The following LPIN2 variants were observed in gnomAD, a reference collection of about 807,000 sequenced individuals.
LPIN2 encodes the protein phosphatidate phosphatase LPIN2.
Under a neutral mutation model 111.4 loss-of-function variants are expected in LPIN2, and 55 were observed. The ratio of observed to expected loss-of-function variants is 0.49; its 90% CI spans 0.40 to 0.62. LPIN2 has a LOEUF of 0.62. LPIN2 is among the 20% of genes least tolerant of loss of function. The probability of loss-of-function intolerance (pLI) is 0.00; values close to 1 mark genes in which losing one functional copy is unlikely to be tolerated. For synonymous variants in LPIN2, 425 were observed against 414.0 expected (o/e 1.03, Z -0.32); for missense variants, 992 against 1,112.1 (o/e 0.89, Z 1.54).
At chr18:2,960,216 GTGTTC>G (rs1278233230) in intron 2 of LPIN2, among the ~76,000 whole-genome samples, 5 of 147,112 alleles carry the variant, frequency 3.4e-5, no homozygotes, top group Admixed American at 6.8e-5. Flanking sequence ...GTGTGTGTGT[GTGTTC>G]TTGATTATAC....
At chr18:2,920,971 G>C (rs886724611) in intron 18 of LPIN2, 90 bp from the exon 19 acceptor site, 108 of 857,270 alleles carry the variant, frequency 1.3e-4, no homozygotes, top group Non-Finnish European at 1.9e-4. Flanking sequence ...GCACTGCACA[G>C]ACAGACTCGA....
intron 1 of LPIN2, among the ~76,000 whole-genome samples, chr18:3,007,253 G>C (rs937329661): frequency 6.6e-6 from 1 of 152,088 alleles, no homozygotes; most frequent in Non-Finnish European, 1.5e-5. Context: ...CTCACTGCAA[G>C]CTCCGCCTCC....
chr18:3,010,410 TTG>T (rs1291368950), intron 1 of LPIN2, among the ~76,000 whole-genome samples: 1 of 152,110 alleles, frequency 6.6e-6, no homozygotes, highest in Non-Finnish European at 1.5e-5. Flanking sequence ...ATCTACCAAC[TTG>T]TGAGTTGTTT....
intron 14 of LPIN2, among the ~76,000 whole-genome samples, 194 bp from the exon 15 acceptor site, chr18:2,924,740 G>C (rs1435704994): frequency 1.3e-5 from 2 of 152,076 alleles, no homozygotes; most frequent in South Asian, 2.1e-4. Flanking sequence ...AGTATTTTGG[G>C]GTTCCAGGGA....
chr18:2,940,801 T>C, intron 4 of LPIN2, 89 bp from the exon 5 acceptor site: 1 of 775,228 alleles, frequency 1.3e-6, no homozygotes, highest in Non-Finnish European at 2.2e-6. Flanking sequence ...CTACAAACAA[T>C]CAAAATGAAG....
chr18:2,922,039 A>T lies in LPIN2; in HGVS notation c.2327+8T>A. 6.2e-7 allele frequency: 1 copy of T among 1,610,842 alleles called. No individual in the cohort carries two copies. On this transcript the variant is annotated splice_region_variant and intron_variant, in intron 17 of 19. Transcript: ENST00000677752. ...CGGTGGGCAGAGGGCTGCCTGCCGG[A>T]GAGGTACCTGTGGAAGGCGGAGAAC...
At chr18:2,946,173 A>T (rs766748532) in intron 4 of LPIN2, 2 of 1,610,286 alleles carry the variant, frequency 1.2e-6, no homozygotes, top group African/African-American at 2.7e-5. Flanking sequence ...AGGGAGGCAG[A>T]TATTTTTAAT....
chr18:3,002,236 CAAAAAAA>C (rs765641037), intron 1 of LPIN2, among the ~76,000 whole-genome samples: 1 of 82,834 alleles, frequency 1.2e-5, no homozygotes, highest in Non-Finnish European at 2.3e-5. Flanking sequence ...TTCAAAAGAC[CAAAAAAA>C]AAAAAAAAAA....
At chr18:3,007,015 A>AG (rs1555609547) in intron 1 of LPIN2, among the ~76,000 whole-genome samples, 1 of 150,614 alleles carries the variant, frequency 6.6e-6, no homozygotes, top group Non-Finnish European at 1.5e-5. Context: ...AAAAAAAAAA[A>AG]CAGCATTTGT....
chr18:2,946,207 T>G, intron 4 of LPIN2: 1 of 1,608,130 alleles, frequency 6.2e-7, no homozygotes, highest in South Asian at 1.1e-5. Context: ...TTGGTTCATC[T>G]GGGCTTGGTC....
chr18:2,938,848 TTTC>T (rs1426023958), intron 6 of LPIN2, among the ~76,000 whole-genome samples: 1 of 152,206 alleles, frequency 6.6e-6, no homozygotes, highest in Non-Finnish European at 1.5e-5. Context: ...GGTTTAACAA[TTTC>T]TTGTTTAAAA....
intron 2 of LPIN2, among the ~76,000 whole-genome samples, chr18:2,958,158 C>CA (rs1555678271): frequency 3.7e-4 from 13 of 35,350 alleles, no homozygotes; most frequent in African/African-American, 7.5e-4. Context: ...AAAAAAAAAA[C>CA]AACAAAAAAA....
At chr18:2,988,012 C>CAAAAAAAAAAAAAAAAAA (rs761121515) in intron 1 of LPIN2, among the ~76,000 whole-genome samples, 6 of 32,348 alleles carry the variant, frequency 1.9e-4, no homozygotes, top group Non-Finnish European at 3.2e-4. Flanking sequence ...GAGACTGTCT[C>CAAAAAAAAAAAAAAAAAA]AAAAAAAAAA....
intron 16 of LPIN2, among the ~76,000 whole-genome samples, chr18:2,922,652 A>C (rs1230493262): frequency 6.6e-6 from 1 of 152,222 alleles, no homozygotes; most frequent in African/African-American, 2.4e-5. Flanking sequence ...ATTTAGCAGG[A>C]AACTGCTTAG....
chr18:2,972,664 C>A (rs2077940248), intron 1 of LPIN2, among the ~76,000 whole-genome samples: 1 of 152,154 alleles, frequency 6.6e-6, no homozygotes, highest in Non-Finnish European at 1.5e-5. Context: ...TTAAGGAGAT[C>A]CTAAAACGGT....
chr18:2,957,673 T>C (rs1166996483), intron 2 of LPIN2, among the ~76,000 whole-genome samples: 2 of 152,086 alleles, frequency 1.3e-5, no homozygotes, highest in East Asian at 3.9e-4. Flanking sequence ...AGTTAACAGA[T>C]TGTGAGCCTG....
intron 1 of LPIN2, among the ~76,000 whole-genome samples, chr18:2,980,391 T>C (rs1310238306): frequency 6.6e-6 from 1 of 152,176 alleles, no homozygotes; most frequent in Admixed American, 6.5e-5. Flanking sequence ...TCACCTCCAG[T>C]TGTTCTAGGA....
chr18:2,964,342 C>T (rs576853649), intron 1 of LPIN2, among the ~76,000 whole-genome samples: 1 of 148,442 alleles, frequency 6.7e-6, no homozygotes, highest in South Asian at 2.2e-4. Flanking sequence ...ATATCTATGA[C>T]CTCCCTCTGT....
At chr18:2,932,861 C>G (rs2077230779) in intron 8 of LPIN2, among the ~76,000 whole-genome samples, 2 of 152,202 alleles carry the variant, frequency 1.3e-5, no homozygotes, top group African/African-American at 2.4e-5. Context: ...TCCCTGTGGG[C>G]AAGGCCTCCC....
Sources: allele counts gnomAD v4.1 joint callset (sites outside exome capture counted in the v4.1 genomes callset), GRCh38; gene constraint gnomAD v4.1.1; transcripts MANE v1.5; gene names NCBI Gene and HGNC (gene_info 2026-07-23, HGNC 2026-07-21).